The following PIK3CA variants were observed in gnomAD, a reference collection of about 807,000 sequenced individuals.
PIK3CA encodes phosphatidylinositol 4,5-bisphosphate 3-kinase catalytic subunit alpha isoform.
In PIK3CA, 27 loss-of-function variants were observed where a neutral mutation model predicts 138.2. The ratio of observed to expected loss-of-function variants is 0.20; its 90% CI spans 0.14 to 0.27. The LOEUF is 0.27. PIK3CA is among the 10% of genes least tolerant of loss of function. The pLI, the probability that PIK3CA is intolerant of heterozygous loss-of-function variation, is 1.00. For missense variants in PIK3CA, 544 were observed against 1,277.4 expected (o/e 0.43, Z 8.75); for synonymous variants, 358 against 413.2 (o/e 0.87, Z 1.62).
At chr3:179,173,482 G>A (rs113674174) in intron 1 of PIK3CA, among the ~76,000 whole-genome samples, 36,025 of 149,560 alleles carry the variant, frequency 0.24, 5,396 homozygotes, top group African/African-American at 0.41. Flanking sequence ...GGGAGGCTGA[G>A]GCAGGGGAAT....
chr3:179,167,354 T>A (rs1723445871), intron 1 of PIK3CA, among the ~76,000 whole-genome samples: 2 of 152,124 alleles, frequency 1.3e-5, no homozygotes, highest in South Asian at 4.1e-4. Flanking sequence ...AGCCTTTCAT[T>A]CATTTCTTTA....
chr3:179,228,796 A>T (rs1346019981), intron 17 of PIK3CA, among the ~76,000 whole-genome samples: 1 of 152,040 alleles, frequency 6.6e-6, no homozygotes. Context: ...AATATTTAAA[A>T]TTTTTATTTT....
intron 7 of PIK3CA, 35 bp from the exon 8 acceptor site, chr3:179,210,151 T>C (rs200643359): frequency 2.7e-6 from 4 of 1,491,586 alleles, no homozygotes; most frequent in Admixed American, 4.8e-5. Flanking sequence ...TGTTTTATAA[T>C]TTAGACTAGT....
chr3:179,163,936 G>A (rs1271546364), intron 1 of PIK3CA, among the ~76,000 whole-genome samples: 1 of 152,094 alleles, frequency 6.6e-6, no homozygotes, highest in African/African-American at 2.4e-5. Context: ...CAATTTGCAT[G>A]CCTTTAAAAT....
rs551532326 is a variant in PIK3CA at position 179,162,031 on chromosome 3, C to T, written c.-77+13428C>T. On this transcript the variant is annotated intron_variant, in intron 1 of 20. Coordinates refer to ENST00000263967, the MANE Select transcript of PIK3CA (RefSeq NM_006218.4). Reference sequence around the variant, plus strand: ...TCTGTGATTGTACGGTCAACGTTTTCCTTGAAAAATCTCTTTAATTACTCA... The same window carrying T: ...TCTGTGATTGTACGGTCAACGTTTTTCTTGAAAAATCTCTTTAATTACTCA... 1.4e-3 allele frequency among the ~76,000 whole-genome samples: 215 copies of T among 152,070 alleles called. 1 individual carries two copies. Among genetic ancestry groups the T allele is most frequent in the African/African-American group, 5.0e-3 (206 of 41,470 alleles).
intron 6 of PIK3CA, among the ~76,000 whole-genome samples, chr3:179,207,799 T>C (rs903300928): frequency 6.6e-6 from 1 of 152,022 alleles, no homozygotes; most frequent in African/African-American, 2.4e-5. Context: ...GGATTACAGG[T>C]GTGAGCCACC....
rs2108416614 is a variant in PIK3CA, at chr3:179,224,078, C to T, written c.2188-3C>T. The T allele has an allele frequency of 1.3e-6, 2 of 1,513,858 alleles. No homozygotes were observed. Among genetic ancestry groups the T allele is most frequent in the Admixed American group, 1.7e-5 (1 of 57,684 alleles). The allele number at this position is 1,513,858 out of a possible 1,614,324, so 93.8% of individuals were successfully genotyped here. ...ACTGTGACTATCCTTTTTTTTTAAT[C>T]AGGTACAGATGAAGTTTTTAGTTGA... On this transcript the variant is annotated splice_region_variant and splice_polypyrimidine_tract_variant and intron_variant, in intron 14 of 20. Transcript: ENST00000263967.
At chr3:179,192,722 CA>C (rs1724165014) in intron 1 of PIK3CA, among the ~76,000 whole-genome samples, 2 of 152,160 alleles carry the variant, frequency 1.3e-5, no homozygotes, top group South Asian at 4.2e-4. Flanking sequence ...TATGTAAACA[CA>C]GTTTGTTACC....
intron 1 of PIK3CA, among the ~76,000 whole-genome samples, chr3:179,196,210 G>C (rs1724262074): frequency 6.6e-6 from 1 of 152,132 alleles, no homozygotes; most frequent in South Asian, 2.1e-4. Context: ...TAGTTGCTCT[G>C]GTAGTTCCAT....
Position 179,199,951 on chromosome 3 carries a change from C to T in PIK3CA, c.562+52C>T, listed in dbSNP as rs1156526079. The stretch of plus-strand genomic sequence containing the variant: ...TCATTACTATAGTGCAGTCTTCTAC[C>T]TGTGTCTATATCTTTGTATAGTCTT... On this transcript the variant is annotated intron_variant, in intron 3 of 20. Coordinates refer to ENST00000263967, the MANE Select transcript of PIK3CA (RefSeq NM_006218.4). 9 of 1,131,048 alleles carry T rather than the reference C, an allele frequency of 8.0e-6. No homozygotes were observed. In the South Asian group the frequency reaches 9.1e-5, roughly 11 times the overall value. The allele number at this position is 1,131,048 out of a possible 1,614,324, so 70.1% of individuals were successfully genotyped here. A position where few individuals can be genotyped will look rare whatever the true frequency, so the allele number is the denominator to read the frequency against.
intron 20 of PIK3CA, among the ~76,000 whole-genome samples, chr3:179,231,630 CTTTTTTTTTTTTTTTTT>C (rs144349648): frequency 2.2e-4 from 11 of 50,384 alleles, no homozygotes; most frequent in Admixed American, 5.0e-4. Flanking sequence ...CCTTAGCCCA[CTTTTTTTTTTTTTTTTT>C]TTTTTTTTTT....
rs1237861151 is a variant in PIK3CA, at chr3:179,204,597, G to A, written c.1145+9G>A. The A allele has an allele frequency of 8.4e-6, 11 of 1,317,346 alleles. No individual in the cohort carries two copies. Among genetic ancestry groups the A allele is most frequent in the African/African-American group, 1.4e-5 (1 of 69,466 alleles). The allele number at this position is 1,317,346 out of a possible 1,614,324, so 81.6% of individuals were successfully genotyped here. A position where few individuals can be genotyped will look rare whatever the true frequency, so the allele number is the denominator to read the frequency against. ...CCTTGTTCCAATCCCAGGTAAGGAA[G>A]TATATAGATTTATATTTCCAAAGGT... On this transcript the variant is annotated intron_variant, in intron 6 of 20. Coordinates refer to ENST00000263967, the MANE Select transcript of PIK3CA (RefSeq NM_006218.4).
chr3:179,154,177 C>T (rs892068262), intron 1 of PIK3CA, among the ~76,000 whole-genome samples: 5 of 152,054 alleles, frequency 3.3e-5, no homozygotes, highest in African/African-American at 1.2e-4. Flanking sequence ...GTGTCTAATA[C>T]GTATTAGAGA....
intron 15 of PIK3CA, among the ~76,000 whole-genome samples, 199 bp downstream of exon 15, chr3:179,224,386 A>C (rs1280519861): frequency 6.6e-6 from 1 of 152,138 alleles, no homozygotes; most frequent in African/African-American, 2.4e-5. Context: ...TTACTACTTA[A>C]ATAATACAGT....
In PIK3CA at chr3:179,161,343, T is replaced by C. The variant is rs374198559; in HGVS notation, c.-77+12740T>C. Among the ~76,000 whole-genome samples the C allele has an allele frequency of 1.9e-3, 295 of 152,332 alleles. 2 individuals carry two copies. The highest frequency in any genetic ancestry group is 0.013 in the South Asian group (65 of 4,828). ...ATAAAGTAAATTCTGCCTAGTATCA[T>C]TGAATTTCCTTTAGCACATCCATAG... On this transcript the variant is annotated intron_variant, in intron 1 of 20. Transcript: ENST00000263967.
At chr3:179,168,820 T>G (rs1723480896) in intron 1 of PIK3CA, among the ~76,000 whole-genome samples, 2 of 152,206 alleles carry the variant, frequency 1.3e-5, no homozygotes, top group Non-Finnish European at 2.9e-5. Context: ...TTCCCAAATG[T>G]CTAGCCGTTT....
Position 179,230,475 on chromosome 3 carries a change from C to A in PIK3CA, c.2936+99C>A. On this transcript the variant is annotated intron_variant, in intron 20 of 20. Coordinates refer to ENST00000263967, the MANE Select transcript of PIK3CA (RefSeq NM_006218.4). The surrounding 1 kb of genome is among the most constrained non-coding windows in gnomAD (Gnocchi z 5.4). ...GCAATTTCAAAATAATAAATGTTGG[C>A]TGGGTGTGGTGGTTCATGCCTGTAA... The A allele has an allele frequency of 9.3e-7, 1 of 1,071,240 alleles. No homozygotes were observed. Among genetic ancestry groups the A allele is most frequent in the Non-Finnish European group, 1.3e-6 (1 of 745,472 alleles). 66.4% of individuals were successfully genotyped at this position (1,071,240 alleles called of 1,614,324 possible). A position where few individuals can be genotyped will look rare whatever the true frequency, so the allele number is the denominator to read the frequency against.
At chr3:179,199,208 A>G (rs769412936) in intron 2 of PIK3CA, 31 bp downstream of exon 2, 5 of 1,384,818 alleles carry the variant, frequency 3.6e-6, no homozygotes, top group Non-Finnish European at 3.9e-6. Flanking sequence ...CTAAAATGCA[A>G]ATAACCATAA....
chr3:179,219,921 C>T lies in PIK3CA; in HGVS notation c.1912-28C>T, dbSNP rs200142515. The T allele has an allele frequency of 4.2e-4, 672 of 1,605,642 alleles. 7 individuals carry two copies. In the South Asian group the frequency reaches 6.2e-3, roughly 15 times the overall value. On this transcript the variant is annotated intron_variant, in intron 12 of 20. Coordinates refer to ENST00000263967, the MANE Select transcript of PIK3CA (RefSeq NM_006218.4). This position sits in a 1 kb window ranked among gnomAD's most constrained non-coding sequence, Gnocchi z 4.2. ...TTAGATCGGCCATGCAGAAACTGAC[C>T]CTGATTTGTTTTTTTGGAATCACCT...
Sources: allele counts gnomAD v4.1 joint callset (sites outside exome capture counted in the v4.1 genomes callset), GRCh38; gene constraint gnomAD v4.1.1; non-coding constraint Gnocchi (gnomAD v3.1); transcripts MANE v1.5; gene names NCBI Gene and HGNC (gene_info 2026-07-23, HGNC 2026-07-21).